Variants in LINGO1 observed in about 807,000 individuals in gnomAD.
The protein encoded by LINGO1 is leucine-rich repeat and immunoglobulin-like domain-containing nogo receptor-interacting protein 1.
A neutral mutation model predicts 37.3 loss-of-function variants in LINGO1; 11 were observed. That is an observed-to-expected ratio of 0.29 (90% confidence interval 0.19 to 0.49). The LOEUF is 0.49. LINGO1 is among the 20% of genes least tolerant of loss of function. LINGO1 has a pLI of 0.99. For missense variants in LINGO1, 585 were observed against 878.2 expected, an observed-to-expected ratio of 0.67 and a Z score of 4.22; for synonymous variants, 387 against 403.0, an observed-to-expected ratio of 0.96 and a Z score of 0.48.
At chr15:77,820,381 C>T (rs2077087721), upstream of LINGO1, 1 of 152,518 alleles carries the variant, frequency 6.6e-6, no homozygotes, top group Admixed American at 6.5e-5. Flanking sequence ...GGAGCCCGGC[C>T]CTCGGGGCTG....
chr15:77,751,153 G>A (rs1302925577), intron 1 of LINGO1, among the ~76,000 whole-genome samples: 2 of 152,158 alleles, frequency 1.3e-5, no homozygotes, highest in African/African-American at 4.8e-5. Context: ...TGTGAGCACA[G>A]GTGTGAATCT....
At chr15:77,721,781 A>G (rs1174716256) in intron 2 of LINGO1, among the ~76,000 whole-genome samples, 1 of 151,998 alleles carries the variant, frequency 6.6e-6, no homozygotes, top group Non-Finnish European at 1.5e-5. Flanking sequence ...AGCTCTCAGG[A>G]TGTATGACCT....
At chr15:77,620,813 G>T (rs530197218) in intron 1 of LINGO1, among the ~76,000 whole-genome samples, 4 of 152,202 alleles carry the variant, frequency 2.6e-5, no homozygotes, top group Non-Finnish European at 4.4e-5. Context: ...TGCCCCCAGG[G>T]TCTCAGGGTG....
At chr15:77,673,423 C>T (rs2075282398) in intron 3 of LINGO1, among the ~76,000 whole-genome samples, 1 of 141,604 alleles carries the variant, frequency 7.1e-6, no homozygotes, top group Admixed American at 7.0e-5. Flanking sequence ...GCCCCAATCG[C>T]TGAAACTATG....
chr15:77,776,226 T>A (rs562282639), intron 1 of LINGO1, among the ~76,000 whole-genome samples: 110 of 150,602 alleles, frequency 7.3e-4, no homozygotes, highest in Middle Eastern at 3.4e-3. Context: ...AGGGCCTGAA[T>A]ACATTGCTGT....
At chr15:77,744,350 A>G (rs920017180) in intron 1 of LINGO1, among the ~76,000 whole-genome samples, 1 of 152,150 alleles carries the variant, frequency 6.6e-6, no homozygotes, top group African/African-American at 2.4e-5. Flanking sequence ...TCTGGGCAAC[A>G]TAGTGAAACC....
intron 3 of LINGO1, among the ~76,000 whole-genome samples, chr15:77,668,288 C>G (rs962315532): frequency 6.6e-6 from 1 of 152,206 alleles, no homozygotes; most frequent in African/African-American, 2.4e-5. Flanking sequence ...CTATCAAGCA[C>G]TTTGGTGGAA....
intron 1 of LINGO1, among the ~76,000 whole-genome samples, chr15:77,782,209 GCGTA>G (rs2076724997): frequency 1.4e-5 from 1 of 70,864 alleles, no homozygotes; most frequent in South Asian, 5.7e-4. Flanking sequence ...GTGTGCGCAC[GCGTA>G]CACACACACA....
intron 3 of LINGO1, among the ~76,000 whole-genome samples, chr15:77,660,487 G>A (rs1356304544): frequency 2.0e-5 from 3 of 152,176 alleles, no homozygotes; most frequent in Non-Finnish European, 2.9e-5. Flanking sequence ...CTCCCGAGGC[G>A]ACCTCAGCAG....
intron 1 of LINGO1, among the ~76,000 whole-genome samples, chr15:77,759,281 T>C (rs1326064392): frequency 6.6e-6 from 1 of 152,160 alleles, no homozygotes; most frequent in Non-Finnish European, 1.5e-5. Context: ...TCAGCACCCT[T>C]GGGCCTGAGA....
At chr15:77,715,688 C>A (rs189286394) in intron 2 of LINGO1, among the ~76,000 whole-genome samples, 67 of 152,352 alleles carry the variant, frequency 4.4e-4, no homozygotes, top group African/African-American at 1.5e-3. Flanking sequence ...GCCCCTCCTG[C>A]GCTGGGGCCT....
At chr15:77,708,006 ACAGGCAC>A (rs1187703569) in intron 2 of LINGO1, among the ~76,000 whole-genome samples, 2 of 152,230 alleles carry the variant, frequency 1.3e-5, no homozygotes, top group African/African-American at 4.8e-5. Context: ...CACAGTTTTG[ACAGGCAC>A]CAGGCACCAG....
At chr15:77,655,894 CT>C (rs1248377939) in intron 3 of LINGO1, among the ~76,000 whole-genome samples, 2 of 152,220 alleles carry the variant, frequency 1.3e-5, no homozygotes, top group Non-Finnish European at 2.9e-5. Flanking sequence ...GTGTAGTTTC[CT>C]GTTCTCCAAG....
intron 1 of LINGO1, among the ~76,000 whole-genome samples, chr15:77,746,899 G>A (rs1001306597): frequency 2.0e-5 from 3 of 152,140 alleles, no homozygotes; most frequent in Non-Finnish European, 4.4e-5. Context: ...CAGGGAAGGA[G>A]GGTGCTGAAA....
intron 1 of LINGO1, chr15:77,820,008 C>T (rs2077084934): frequency 1.3e-5 from 2 of 153,288 alleles, no homozygotes; most frequent in African/African-American, 2.4e-5. Context: ...GCCCCTTCCT[C>T]CCCACCGCCC....
intron 2 of LINGO1, among the ~76,000 whole-genome samples, chr15:77,733,786 C>T (rs1035160237): frequency 3.3e-5 from 5 of 152,200 alleles, no homozygotes; most frequent in African/African-American, 4.8e-5. Flanking sequence ...GTCCACTGAG[C>T]GTAGTTTCTC....
chr15:77,701,927 T>C (rs2075788650), intron 2 of LINGO1, among the ~76,000 whole-genome samples: 1 of 152,128 alleles, frequency 6.6e-6, no homozygotes, highest in African/African-American at 2.4e-5. Context: ...TAAGAGAGCT[T>C]GCATGGGGCC....
intron 1 of LINGO1, among the ~76,000 whole-genome samples, chr15:77,750,839 G>A (rs1405543708): frequency 2.6e-5 from 4 of 152,180 alleles, no homozygotes; most frequent in Admixed American, 6.5e-5. Context: ...CCCCTACTAC[G>A]TGTCAGGGCT....
At chr15:77,767,273 T>G (rs1400413951) in intron 1 of LINGO1, among the ~76,000 whole-genome samples, 1 of 152,166 alleles carries the variant, frequency 6.6e-6, no homozygotes, top group Non-Finnish European at 1.5e-5. Flanking sequence ...ACACCAGCAC[T>G]GTAAGCAATG....
Sources: gnomAD v4.1 joint callset for allele counts (sites outside exome capture counted in the v4.1 genomes callset) on GRCh38, gnomAD v4.1.1 for gene constraint, MANE v1.5 for transcripts, NCBI Gene and HGNC (gene_info 2026-07-23, HGNC 2026-07-21) for gene names.